CDK14: variants seen among roughly 807,000 people sequenced by gnomAD.
CDK14 encodes cyclin-dependent kinase 14.
In CDK14, 34 loss-of-function variants were observed where a neutral mutation model predicts 60.7. The observed-to-expected ratio is 0.56, with a 90% CI of 0.43 to 0.75. The LOEUF is 0.75. Among genes scored for constraint, CDK14 ranks in the 30% least tolerant of loss-of-function variants. CDK14 has a pLI of 0.00. For missense variants in CDK14, 482 were observed against 564.1 expected, an observed-to-expected ratio of 0.85 and a Z score of 1.47; for synonymous variants, 197 against 203.7, an observed-to-expected ratio of 0.97 and a Z score of 0.28.
At chr7:91,171,729 C>T (rs1801526411) in intron 14 of CDK14, among the ~76,000 whole-genome samples, 1 of 152,142 alleles carries the variant, frequency 6.6e-6, no homozygotes, top group South Asian at 2.1e-4. Context: ...TCACTGCAAC[C>T]TCCACCTCCT....
At chr7:91,114,856 A>C (rs1431487828) in intron 13 of CDK14, among the ~76,000 whole-genome samples, 2 of 152,214 alleles carry the variant, frequency 1.3e-5, no homozygotes, top group South Asian at 2.1e-4. Flanking sequence ...CATGTTTACA[A>C]AACAAAGAAT....
chr7:90,616,475 T>C (rs1799651527), intron 2 of CDK14, among the ~76,000 whole-genome samples: 1 of 152,170 alleles, frequency 6.6e-6, no homozygotes, highest in South Asian at 2.1e-4. Context: ...TTCTCTTCTC[T>C]TAAAAGGCAG....
chr7:90,643,970 T>C (rs1800405051), intron 2 of CDK14, among the ~76,000 whole-genome samples: 1 of 152,226 alleles, frequency 6.6e-6, no homozygotes, highest in East Asian at 1.9e-4. Context: ...CAGTCTCCAA[T>C]GTGACTGTAT....
chr7:90,685,437 T>G (rs1408273538), intron 2 of CDK14, among the ~76,000 whole-genome samples: 1 of 152,064 alleles, frequency 6.6e-6, no homozygotes, highest in Non-Finnish European at 1.5e-5. Context: ...TTAAAACATT[T>G]TCTATTGAGA....
At chr7:90,909,618 C>T (rs770078924) in intron 7 of CDK14, among the ~76,000 whole-genome samples, 5 of 152,046 alleles carry the variant, frequency 3.3e-5, no homozygotes, top group African/African-American at 7.2e-5. Flanking sequence ...TCATTGTGGG[C>T]ACCTCCATAC....
chr7:90,645,282 G>A (rs4728916), intron 2 of CDK14, among the ~76,000 whole-genome samples: 47,042 of 151,914 alleles, frequency 0.31, 8,203 homozygotes, highest in East Asian at 0.67. Flanking sequence ...TTATGGAAAC[G>A]GACTTTGGGC....
At chr7:90,823,623 A>G (rs1278762557) in intron 5 of CDK14, among the ~76,000 whole-genome samples, 2 of 152,178 alleles carry the variant, frequency 1.3e-5, no homozygotes, top group South Asian at 2.1e-4. Context: ...GGGAGTAGGT[A>G]TTTCGAATCA....
At chr7:90,740,162 C>T (rs146430325) in intron 3 of CDK14, among the ~76,000 whole-genome samples, 2,205 of 151,528 alleles carry the variant, frequency 0.015, 21 homozygotes, top group Middle Eastern at 0.027. Flanking sequence ...CCTCTCCTCC[C>T]TTCTTCTCCT....
chr7:90,699,083 G>C (rs1477324545), intron 2 of CDK14, among the ~76,000 whole-genome samples: 2 of 152,216 alleles, frequency 1.3e-5, no homozygotes, highest in South Asian at 4.1e-4. Context: ...AAAAGTGTTT[G>C]ATTTTTATGG....
chr7:90,973,805 A>G (rs929307056), intron 9 of CDK14, among the ~76,000 whole-genome samples: 2 of 152,152 alleles, frequency 1.3e-5, no homozygotes, highest in African/African-American at 4.8e-5. Context: ...TCAAAGGGCA[A>G]TGAAAGATCA....
chr7:90,640,551 G>A (rs7782861), intron 2 of CDK14, among the ~76,000 whole-genome samples: 13,462 of 152,030 alleles, frequency 0.089, 625 homozygotes, highest in Middle Eastern at 0.19. Context: ...AAAGAGGAAA[G>A]CATACAATGT....
At chr7:90,851,471 G>T (rs1185115720) in intron 5 of CDK14, among the ~76,000 whole-genome samples, 1 of 152,136 alleles carries the variant, frequency 6.6e-6, no homozygotes, top group East Asian at 1.9e-4. Flanking sequence ...CTAATAATGG[G>T]TGGATGTTTG....
chr7:90,934,969 A>G (rs1451643489), intron 8 of CDK14, among the ~76,000 whole-genome samples: 1 of 152,234 alleles, frequency 6.6e-6, no homozygotes, highest in Non-Finnish European at 1.5e-5. Flanking sequence ...CTATCACAGG[A>G]TAGTACAGAC....
chr7:91,069,716 C>T lies in CDK14; in HGVS notation c.1106-9716C>T, dbSNP rs143809227. On this transcript the variant is annotated intron_variant, in intron 11 of 14. Transcript: ENST00000380050. ...TGCTGTCTAAATAGAAAGACACAAA[C>T]GTTTTACATCATCCTTTTCAGGTTA... Among the ~76,000 whole-genome samples, 10 of 152,196 alleles carry T rather than the reference C, an allele frequency of 6.6e-5. No individual in the cohort carries two copies. The East Asian group carries it at 1.5e-3, about 23-fold the overall frequency.
At chr7:91,199,492 G>A (rs1209456231) in intron 14 of CDK14, among the ~76,000 whole-genome samples, 1 of 152,012 alleles carries the variant, frequency 6.6e-6, no homozygotes, top group East Asian at 1.9e-4. Context: ...TTTTCCATTT[G>A]CATAAATCTG....
intron 5 of CDK14, among the ~76,000 whole-genome samples, chr7:90,861,078 G>A (rs538883105): frequency 4.6e-5 from 7 of 152,250 alleles, no homozygotes; most frequent in African/African-American, 1.4e-4. Flanking sequence ...AGAGCTACTA[G>A]GTGGCAGCAG....
At chr7:90,916,629 C>T (rs1793092371) in intron 7 of CDK14, among the ~76,000 whole-genome samples, 1 of 152,070 alleles carries the variant, frequency 6.6e-6, no homozygotes, top group East Asian at 1.9e-4. Flanking sequence ...CCTGAAACTG[C>T]CTTTGGTTAC....
At chr7:90,613,874 G>A (rs1397500538) in intron 2 of CDK14, among the ~76,000 whole-genome samples, 1 of 151,950 alleles carries the variant, frequency 6.6e-6, no homozygotes, top group African/African-American at 2.4e-5. Flanking sequence ...GTTGTGATTG[G>A]GATGGCTTCT....
chr7:90,936,006 C>A, intron 8 of CDK14, among the ~76,000 whole-genome samples: 1 of 151,198 alleles, frequency 6.6e-6, no homozygotes. Flanking sequence ...TTTGCCACTG[C>A]ACTCTAGCAT....
Sources: gnomAD v4.1 joint callset for allele counts (sites outside exome capture counted in the v4.1 genomes callset) on GRCh38, gnomAD v4.1.1 for gene constraint, MANE v1.5 for transcripts, NCBI Gene and HGNC (gene_info 2026-07-23, HGNC 2026-07-21) for gene names.